Variants in SNX29 observed in about 807,000 individuals in gnomAD.
SNX29 encodes sorting nexin-29.
SNX29 carries 78 observed loss-of-function variants against 102.1 expected under a neutral mutation model. That is an observed-to-expected ratio of 0.76 (90% CI 0.64 to 0.92). The LOEUF (loss-of-function observed/expected upper bound fraction) is 0.92. SNX29 is among the 40% of genes least tolerant of loss of function. The pLI is 0.00. For synonymous variants in SNX29, 580 were observed against 414.5 expected, an observed-to-expected ratio of 1.40 and a Z score of -4.85; for missense variants, 1,280 against 1,061.7, an observed-to-expected ratio of 1.21 and a Z score of -2.86.
chr16:12,009,282 G>A (rs2056565271), intron 3 of SNX29, among the ~76,000 whole-genome samples: 1 of 152,108 alleles, frequency 6.6e-6, no homozygotes, highest in Non-Finnish European at 1.5e-5. Context: ...GTGCTAGCAG[G>A]ACAGAGCAGA....
At chr16:12,436,653 C>G (rs2085553657) in intron 18 of SNX29, among the ~76,000 whole-genome samples, 1 of 152,236 alleles carries the variant, frequency 6.6e-6, no homozygotes, top group Admixed American at 6.5e-5. Context: ...TAGGCACTTT[C>G]TGACCGGGGG....
At chr16:12,110,612 G>C (rs960914970) in intron 11 of SNX29, among the ~76,000 whole-genome samples, 1 of 152,064 alleles carries the variant, frequency 6.6e-6, no homozygotes, top group Admixed American at 6.5e-5. Flanking sequence ...TTGGGCTTGC[G>C]GTGAGACAAA....
chr16:12,172,258 A>C (rs181438428), intron 13 of SNX29, among the ~76,000 whole-genome samples: 55 of 152,324 alleles, frequency 3.6e-4, no homozygotes, highest in Admixed American at 2.6e-3. Context: ...TGGGAATTCA[A>C]GATGGGAAGA....
At chr16:12,061,414 T>G (rs2050769373) in intron 8 of SNX29, 114 bp from the exon 9 acceptor site, 5 of 794,728 alleles carry the variant, frequency 6.3e-6, no homozygotes, top group South Asian at 1.6e-5. Context: ...CCTTCTGTTC[T>G]CAGCCCTGCC....
chr16:12,531,659 G>A (rs895882427), intron 20 of SNX29, among the ~76,000 whole-genome samples: 3 of 152,182 alleles, frequency 2.0e-5, no homozygotes, highest in African/African-American at 7.2e-5. Context: ...AGAAGATGCC[G>A]AGTTTTGAGG....
At chr16:12,436,278 C>T (rs556065884) in intron 18 of SNX29, among the ~76,000 whole-genome samples, 3 of 152,194 alleles carry the variant, frequency 2.0e-5, no homozygotes, top group South Asian at 2.1e-4. Flanking sequence ...CACAGGAGGC[C>T]GCAGCTTAAG....
intron 14 of SNX29, among the ~76,000 whole-genome samples, chr16:12,232,993 A>G (rs111833375): frequency 0.017 from 2,586 of 152,316 alleles, 72 homozygotes; most frequent in African/African-American, 0.06. Context: ...TGGGAGACTG[A>G]AACCCTGACC....
At chr16:12,549,488 C>T (rs575513038) in intron 20 of SNX29, among the ~76,000 whole-genome samples, 2 of 151,756 alleles carry the variant, frequency 1.3e-5, no homozygotes, top group African/African-American at 2.4e-5. Context: ...GGAAGATCCT[C>T]ACACATACAA....
At chr16:12,540,271 G>A (rs2077270312) in intron 20 of SNX29, among the ~76,000 whole-genome samples, 1 of 152,178 alleles carries the variant, frequency 6.6e-6, no homozygotes, top group South Asian at 2.1e-4. Context: ...GTCAAGTGGA[G>A]GGAGGACAGG....
Position 12,569,262 on chromosome 16 carries a change from C to G in SNX29, c.*633C>G, listed in dbSNP as rs550239866. 1 of 226,600 alleles carries G rather than the reference C, an allele frequency of 4.4e-6. No individual in the cohort carries two copies. The highest frequency in any genetic ancestry group is 6.4e-5 in the East Asian group (1 of 15,744). 14.0% of individuals were successfully genotyped at this position (226,600 alleles called of 1,614,324 possible). ...GCAAGGAGCCATTAGTGATGTGCAA[C>G]TTGAGTTCAGAGAACTTCCCCTACC... On this transcript the variant is annotated 3_prime_UTR_variant, in exon 21 of 21. Coordinates refer to ENST00000566228, the MANE Select transcript of SNX29 (RefSeq NM_032167.5).
intron 20 of SNX29, among the ~76,000 whole-genome samples, chr16:12,536,335 G>A (rs917618676): frequency 2.0e-5 from 3 of 152,046 alleles, no homozygotes; most frequent in African/African-American, 7.2e-5. Flanking sequence ...AATGCAGCAG[G>A]AAACAAGCCG....
At chr16:11,991,192 T>C in intron 1 of SNX29, among the ~76,000 whole-genome samples, 1 of 152,246 alleles carries the variant, frequency 6.6e-6, no homozygotes, top group East Asian at 1.9e-4. Flanking sequence ...GCAGGGCACA[T>C]TGGATGAATC....
intron 18 of SNX29, among the ~76,000 whole-genome samples, chr16:12,433,936 G>T (rs1226003741): frequency 6.6e-6 from 1 of 152,160 alleles, no homozygotes; most frequent in Non-Finnish European, 1.5e-5. Flanking sequence ...AGTGCTTAAG[G>T]GTCAGTCTCC....
Position 12,093,241 on chromosome 16 carries a change from G to T in SNX29, c.1402+14326G>T, listed in dbSNP as rs562401121. Among the ~76,000 whole-genome samples the T allele has an allele frequency of 8.5e-5, 13 of 152,326 alleles. No individual in the cohort carries two copies. In the East Asian group the frequency reaches 2.1e-3, roughly 25 times the overall value. ...TTAGTTTTGTAGGGCCCTGATGTCA[G>T]TGATCACGGCAAGTTGAGAAGCAAT... On this transcript the variant is annotated intron_variant, in intron 11 of 20. Transcript: ENST00000566228.
At chr16:12,116,369 T>G (rs1055021011) in intron 11 of SNX29, among the ~76,000 whole-genome samples, 1 of 152,190 alleles carries the variant, frequency 6.6e-6, no homozygotes, top group Non-Finnish European at 1.5e-5. Flanking sequence ...GGAACATGAT[T>G]CAGCTATAAA....
chr16:12,199,750 G>A (rs961277340), intron 14 of SNX29, 67 bp downstream of exon 14: 10 of 1,284,266 alleles, frequency 7.8e-6, no homozygotes, highest in Non-Finnish European at 1.0e-5. Flanking sequence ...TACGTGGCAC[G>A]CAATAGACAC....
At chr16:12,537,313 G>C (rs1331596121) in intron 20 of SNX29, among the ~76,000 whole-genome samples, 1 of 152,218 alleles carries the variant, frequency 6.6e-6, no homozygotes, top group Non-Finnish European at 1.5e-5. Flanking sequence ...TAGTATAGTG[G>C]CTAAGCCAAA....
intron 18 of SNX29, among the ~76,000 whole-genome samples, chr16:12,414,904 G>A (rs1380486207): frequency 6.6e-6 from 1 of 152,156 alleles, no homozygotes; most frequent in Non-Finnish European, 1.5e-5. Flanking sequence ...TGTGTTTTTA[G>A]TAGAGATGGG....
intron 19 of SNX29, among the ~76,000 whole-genome samples, chr16:12,520,347 C>T (rs554274464): frequency 6.6e-6 from 1 of 152,274 alleles, no homozygotes; most frequent in Non-Finnish European, 1.5e-5. Context: ...TGTAGAGGAA[C>T]CCATGGGCTT....
Sources: allele counts gnomAD v4.1 joint callset (sites outside exome capture counted in the v4.1 genomes callset), GRCh38; gene constraint gnomAD v4.1.1; transcripts MANE v1.5; gene names NCBI Gene and HGNC (gene_info 2026-07-23, HGNC 2026-07-21).